Variants in PDE4B observed in about 807,000 individuals in gnomAD.
PDE4B encodes the protein 3',5'-cyclic-AMP phosphodiesterase 4B.
In PDE4B, 20 loss-of-function variants were observed where a neutral mutation model predicts 82.2. The ratio of observed to expected loss-of-function variants is 0.24; its 90% CI spans 0.17 to 0.35. PDE4B has a LOEUF of 0.35. Ranked by LOEUF, PDE4B falls within the 10% of genes least tolerant of loss-of-function variation. PDE4B has a pLI of 1.00. For missense variants in PDE4B, 655 were observed against 907.2 expected, an observed-to-expected ratio of 0.72 and a Z score of 3.57; for synonymous variants, 320 against 318.9, an observed-to-expected ratio of 1.00 and a Z score of -0.04.
chr1:65,872,186 G>T (rs1388707086), intron 1 of PDE4B, among the ~76,000 whole-genome samples: 3 of 152,084 alleles, frequency 2.0e-5, no homozygotes, highest in African/African-American at 4.8e-5. Flanking sequence ...GAAATGTGAA[G>T]TTTTAAAAAT....
chr1:66,176,596 A>G (rs1319785252), intron 3 of PDE4B, among the ~76,000 whole-genome samples: 1 of 152,224 alleles, frequency 6.6e-6, no homozygotes, highest in Admixed American at 6.5e-5. Context: ...CAAGTTATAA[A>G]ACTGGTATTT....
intron 3 of PDE4B, among the ~76,000 whole-genome samples, chr1:66,078,074 A>G (rs1362858281): frequency 6.6e-6 from 1 of 152,114 alleles, no homozygotes; most frequent in Non-Finnish European, 1.5e-5. Flanking sequence ...TATTATAACC[A>G]TTTTACGAAA....
intron 3 of PDE4B, among the ~76,000 whole-genome samples, chr1:66,096,494 A>T (rs774803067): frequency 6.1e-5 from 8 of 131,432 alleles, no homozygotes; most frequent in Non-Finnish European, 1.3e-4. Context: ...TAAATGCGGT[A>T]TAAGTAAAAA....
chr1:66,299,815 AG>A (rs1251525328), intron 7 of PDE4B, among the ~76,000 whole-genome samples: 4 of 152,114 alleles, frequency 2.6e-5, no homozygotes, highest in African/African-American at 9.7e-5. Context: ...TTTTGTGTTG[AG>A]GTTTGTACCT....
intron 8 of PDE4B, among the ~76,000 whole-genome samples, chr1:66,343,919 G>A (rs1204066497): frequency 1.3e-5 from 2 of 152,014 alleles, no homozygotes; most frequent in African/African-American, 2.4e-5. Context: ...CTATCCAGTG[G>A]CAATGTGCAT....
At chr1:65,978,562 G>A (rs1177123568) in intron 3 of PDE4B, among the ~76,000 whole-genome samples, 3 of 151,904 alleles carry the variant, frequency 2.0e-5, no homozygotes, top group Non-Finnish European at 4.4e-5. Context: ...GTTTACCAGA[G>A]GTTTAATTTG....
rs1439742629 is a variant in PDE4B, at chr1:66,223,924, A to G, written c.282-23536A>G. Among the ~76,000 whole-genome samples the G allele has an allele frequency of 2.6e-5, 4 of 152,278 alleles. No homozygotes were observed. The South Asian group carries it at 6.2e-4, about 24-fold the overall frequency. On this transcript the variant is annotated intron_variant, in intron 3 of 16. Coordinates refer to ENST00000341517, the MANE Select transcript of PDE4B (RefSeq NM_002600.4). The stretch of plus-strand genomic sequence containing the variant: ...CTTTGTCTCCGTGACAAATGGTGGC[A>G]TCATTTGTGATAACTTCTACGTGCA...
At chr1:66,110,964 T>C (rs1645474291) in intron 3 of PDE4B, among the ~76,000 whole-genome samples, 1 of 152,036 alleles carries the variant, frequency 6.6e-6, no homozygotes, top group South Asian at 2.1e-4. Flanking sequence ...TCTGACCAAT[T>C]TGGGCAGAGC....
intron 1 of PDE4B, among the ~76,000 whole-genome samples, chr1:65,909,648 T>A (rs920384911): frequency 2.0e-5 from 3 of 152,208 alleles, no homozygotes; most frequent in African/African-American, 7.2e-5. Context: ...AGAAATGGAA[T>A]CTGTCATCAC....
chr1:66,227,252 A>G (rs1651529047), intron 3 of PDE4B, among the ~76,000 whole-genome samples: 2 of 152,218 alleles, frequency 1.3e-5, no homozygotes, highest in Non-Finnish European at 2.9e-5. Flanking sequence ...AGGGCTTCTA[A>G]GTTTGTGTCT....
chr1:66,122,911 G>A (rs1645742790), intron 3 of PDE4B, among the ~76,000 whole-genome samples: 1 of 151,736 alleles, frequency 6.6e-6, no homozygotes, highest in Non-Finnish European at 1.5e-5. Context: ...TCACCGCATT[G>A]GCCAGGCTCG....
rs1571055949 is a variant in PDE4B at position 65,877,683 on chromosome 1, T to C, written c.-70-35562T>C. Among the ~76,000 whole-genome samples, 3 of 151,772 alleles carry C rather than the reference T, an allele frequency of 2.0e-5. No homozygotes were observed. The East Asian group carries it at 5.8e-4, about 29-fold the overall frequency. On this transcript the variant is annotated intron_variant, in intron 1 of 16. Transcript: ENST00000341517. ...GTGCTGGGAAAACTGACTAGTCATA[T>C]GCAGAAAATAGAAACTGGACCCATT...
chr1:66,344,942 A>G (rs576289001), intron 8 of PDE4B, among the ~76,000 whole-genome samples: 242 of 152,340 alleles, frequency 1.6e-3, no homozygotes, highest in African/African-American at 5.5e-3. Context: ...AGAGCATTAA[A>G]TAGCGTTATT....
chr1:66,169,884 A>G (rs1055143766), intron 3 of PDE4B, among the ~76,000 whole-genome samples: 1 of 152,242 alleles, frequency 6.6e-6, no homozygotes, highest in Non-Finnish European at 1.5e-5. Flanking sequence ...AGATTTGGCT[A>G]CAGATTGATT....
At position 66,260,698 on chromosome 1, in the gene PDE4B, C is replaced by T. The variant is rs559162226; in HGVS notation, c.584+2835C>T. Among the ~76,000 whole-genome samples the T allele has an allele frequency of 8.5e-5, 13 of 152,204 alleles. No individual in the cohort carries two copies. The South Asian group carries it at 2.1e-3, about 24-fold the overall frequency. ...GTAGTATCAGAACATTCAGCCCAAC[C>T]CTGCTGATTAATAAGCTGTGCCAAC... On this transcript the variant is annotated intron_variant, in intron 6 of 16. Transcript: ENST00000341517.
At chr1:66,048,297 A>G (rs1654824666) in intron 3 of PDE4B, among the ~76,000 whole-genome samples, 1 of 151,846 alleles carries the variant, frequency 6.6e-6, no homozygotes, top group Non-Finnish European at 1.5e-5. Context: ...TAGATGAGCC[A>G]TTTCCTGACA....
chr1:66,070,207 A>T (rs542715710), intron 3 of PDE4B, among the ~76,000 whole-genome samples: 43 of 152,156 alleles, frequency 2.8e-4, no homozygotes, highest in African/African-American at 9.9e-4. Context: ...GCACCCTGTA[A>T]ATGTGTTGAG....
Position 66,372,612 on chromosome 1 carries a change from CAG to C in PDE4B, c.2149_2150del (p.Asp717PhefsTer6), listed in dbSNP as rs1279404934. The C allele has an allele frequency of 6.2e-7, 1 of 1,614,080 alleles. No individual in the cohort carries two copies. On this transcript the variant is annotated frameshift_variant, in exon 17 of 17. Transcript: ENST00000341517. LOFTEE classifies it high-confidence loss of function. The stretch of plus-strand genomic sequence containing the variant: ...CGCTTTGTGTGATTGATCCAGAAAA[CAG>C]AGATTCCCTGGGAGAGACTGACATA... ...KTLCVIDPENRDSLGETDIDI... is the reference protein window; with the variant it reads ...KTLCVIDPENXDSLGETDIDI...
intron 7 of PDE4B, among the ~76,000 whole-genome samples, chr1:66,319,318 G>A (rs1659240639): frequency 6.6e-6 from 1 of 152,146 alleles, no homozygotes; most frequent in Non-Finnish European, 1.5e-5. Flanking sequence ...ACTCTTCACT[G>A]ACTCTTGAAA....
Sources: gnomAD v4.1 joint callset for allele counts (sites outside exome capture counted in the v4.1 genomes callset) on GRCh38, gnomAD v4.1.1 for gene constraint, MANE v1.5 for transcripts, NCBI Gene and HGNC (gene_info 2026-07-23, HGNC 2026-07-21) for gene names.